SKAP1: variants seen among roughly 807,000 people sequenced by gnomAD.
SKAP1 encodes the protein src kinase associated phosphoprotein 1.
A neutral mutation model predicts 58.5 loss-of-function variants in SKAP1; 44 were observed. That is an observed-to-expected ratio of 0.75 (90% CI 0.59 to 0.97). The LOEUF is 0.97. SKAP1 is among the 50% of genes least tolerant of loss of function. The probability of loss-of-function intolerance (pLI) is 0.00; values close to 1 mark genes in which losing one functional copy is unlikely to be tolerated. For missense variants in SKAP1, 390 were observed against 435.2 expected (o/e 0.90, Z 0.92); for synonymous variants, 127 against 149.7 (o/e 0.85, Z 1.11).
chr17:48,158,847 C>T (rs1019189747), intron 11 of SKAP1, among the ~76,000 whole-genome samples: 1 of 151,628 alleles, frequency 6.6e-6, no homozygotes, highest in Non-Finnish European at 1.5e-5. Flanking sequence ...GTAGTCCCAG[C>T]TACTCGGGAG....
At chr17:48,442,016 T>A in the SKAP1 span, among the ~76,000 whole-genome samples, 1 of 152,196 alleles carries the variant, frequency 6.6e-6, no homozygotes, top group South Asian at 2.1e-4. Context: ...ACATCATCAG[T>A]GTGGCAAGCA....
rs143407064 is a variant in SKAP1 at position 48,137,291 on chromosome 17, A to T, written c.1025T>A (p.Val342Asp). The change falls in exon 12 of 13, where the codon GTT becomes GAT. Residue 342 changes from valine to aspartate, a missense_variant. Transcript: ENST00000336915. Reference protein sequence around the residue: ...GWWVGELNSLVGIVPKEYLTT... With the variant: ...GWWVGELNSLDGIVPKEYLTT... ...GAGATACTCCTTTGGAACAATCCCA[A>T]CGAGGCTGTTCAGTTCTCCCACCCA... is the stretch of plus-strand genomic sequence containing the variant. 6.2e-7 allele frequency: 1 copy of T among 1,613,884 alleles called. No homozygotes were observed. The highest frequency in any genetic ancestry group is 1.1e-5 in the South Asian group (1 of 91,068).
At chr17:48,194,285 T>C (rs550012396) in intron 4 of SKAP1, among the ~76,000 whole-genome samples, 9 of 152,196 alleles carry the variant, frequency 5.9e-5, no homozygotes, top group African/African-American at 9.7e-5. Context: ...TCATCTAGTT[T>C]CCTTTAAACC....
At chr17:48,202,324 T>G (rs893886624) in intron 4 of SKAP1, among the ~76,000 whole-genome samples, 11 of 152,142 alleles carry the variant, frequency 7.2e-5, no homozygotes, top group African/African-American at 2.7e-4. Flanking sequence ...TTACACCCCA[T>G]CAGGAAGAAC....
intron 4 of SKAP1, among the ~76,000 whole-genome samples, chr17:48,254,114 C>T (rs115489539): frequency 1.0e-3 from 158 of 152,238 alleles, no homozygotes; most frequent in African/African-American, 3.6e-3. Flanking sequence ...CTACGTGTCC[C>T]TGGATAAATA....
intron 4 of SKAP1, among the ~76,000 whole-genome samples, chr17:48,255,353 C>T (rs1461450360): frequency 6.6e-6 from 1 of 151,464 alleles, no homozygotes; most frequent in East Asian, 1.9e-4. Context: ...TAGGCAAGTT[C>T]TTTTTTTATT....
rs1398849756 is a variant in SKAP1 at position 48,252,752 on chromosome 17, GTGTA to G, written c.281-63256_281-63253del. The stretch of plus-strand genomic sequence containing the variant: ...TGTGTGTGTGTGTGTGTGTGTGTGT[GTGTA>G]TGTGCTCATGTGTGTACAGATCCAG... On this transcript the variant is annotated intron_variant, in intron 4 of 12. Transcript: ENST00000336915. 2.6e-3 allele frequency among the ~76,000 whole-genome samples: 320 copies of G among 123,010 alleles called. 1 individual carries two copies. Among genetic ancestry groups the G allele is most frequent in the African/African-American group, 7.2e-3 (268 of 37,132 alleles). 80.7% of individuals were successfully genotyped at this position (123,010 alleles called of 152,430 possible).
At chr17:48,170,741 GCTCTGTTGT>G in intron 9 of SKAP1, 82 bp from the exon 10 acceptor site, 2 of 1,248,860 alleles carry the variant, frequency 1.6e-6, no homozygotes, top group Non-Finnish European at 2.3e-6. Flanking sequence ...ATAGAGTCTT[GCTCTGTTGT>G]CTAGGCTGAA....
At position 48,269,831 on chromosome 17, in the gene SKAP1, C is replaced by A. The variant is rs568165237; in HGVS notation, c.280+76074G>T. On this transcript the variant is annotated intron_variant, in intron 4 of 12. Coordinates refer to ENST00000336915, the MANE Select transcript of SKAP1 (RefSeq NM_003726.4). ...AAATGAGGCCGGGTGCGGTGGCTCA[C>A]GCTTGTAATCCCAGCACTTTGGGAG... Among the ~76,000 whole-genome samples the A allele has an allele frequency of 1.1e-4, 17 of 152,226 alleles. No homozygotes were observed. In the South Asian group the frequency reaches 3.3e-3, roughly 30 times the overall value.
At chr17:48,308,744 G>GGAAACC (rs1417521851) in intron 4 of SKAP1, 1 of 152,072 alleles carries the variant, frequency 6.6e-6, no homozygotes, top group African/African-American at 2.4e-5. Flanking sequence ...CTTTGGGCAA[G>GGAAACC]TTTCGTTTTC....
intron 2 of SKAP1, among the ~76,000 whole-genome samples, chr17:48,370,223 C>T (rs889684998): frequency 2.0e-5 from 3 of 152,138 alleles, no homozygotes; most frequent in East Asian, 1.9e-4. Flanking sequence ...AAGTGGCCAA[C>T]GAATATATTA....
intron 4 of SKAP1, among the ~76,000 whole-genome samples, chr17:48,314,650 C>T (rs1363073787): frequency 6.6e-6 from 1 of 152,010 alleles, no homozygotes; most frequent in African/African-American, 2.4e-5. Context: ...ACAGACATAA[C>T]AAAATAGGCT....
At position 48,137,289 on chromosome 17, in the gene SKAP1, C is replaced by G; in HGVS notation, c.1027G>C (p.Gly343Arg). 1 of 1,613,886 alleles carries G rather than the reference C, an allele frequency of 6.2e-7. No homozygotes were observed. Among genetic ancestry groups the G allele is most frequent in the Non-Finnish European group, 8.5e-7 (1 of 1,179,828 alleles). ...WWVGELNSLV[G>R]IVPKEYLTTA... is the part of the protein sequence containing the mutation. The stretch of plus-strand genomic sequence containing the variant: ...GTGAGATACTCCTTTGGAACAATCC[C>G]AACGAGGCTGTTCAGTTCTCCCACC... The change falls in exon 12 of 13, where the codon GGG (glycine) becomes CGG (arginine). Residue 343 changes from glycine to arginine, a missense_variant. Transcript: ENST00000336915.
chr17:48,246,253 G>C (rs1311964507), intron 4 of SKAP1, among the ~76,000 whole-genome samples: 4 of 152,102 alleles, frequency 2.6e-5, no homozygotes, highest in Non-Finnish European at 5.9e-5. Flanking sequence ...GCATTCAAAG[G>C]TTTCCAAAAA....
intron 8 of SKAP1, among the ~76,000 whole-genome samples, 183 bp from the exon 9 acceptor site, chr17:48,180,431 A>G (rs1278142880): frequency 6.6e-6 from 1 of 152,254 alleles, no homozygotes; most frequent in Non-Finnish European, 1.5e-5. Context: ...AGAAAAGGCC[A>G]GAATAGCACT....
intron 9 of SKAP1, among the ~76,000 whole-genome samples, chr17:48,175,944 C>T (rs933698082): frequency 1.3e-5 from 2 of 152,092 alleles, no homozygotes; most frequent in Non-Finnish European, 2.9e-5. Context: ...TTGACTCTTC[C>T]CTGATGCTCT....
At chr17:48,264,783 C>CACACACACACACACA (rs2065525126) in intron 4 of SKAP1, among the ~76,000 whole-genome samples, 1 of 140,172 alleles carries the variant, frequency 7.1e-6, no homozygotes, top group South Asian at 2.1e-4. Context: ...CACACACACA[C>CACACACACACACACA]CCTCCATCTC....
chr17:48,220,526 T>A (rs535127353), intron 4 of SKAP1, among the ~76,000 whole-genome samples: 1 of 152,158 alleles, frequency 6.6e-6, no homozygotes, highest in Non-Finnish European at 1.5e-5. Context: ...GTCAGAATAG[T>A]AGTTATTTTG....
At chr17:48,198,753 A>G (rs1474118145) in intron 4 of SKAP1, among the ~76,000 whole-genome samples, 2 of 152,202 alleles carry the variant, frequency 1.3e-5, no homozygotes, top group Non-Finnish European at 2.9e-5. Context: ...TCAATAACAC[A>G]TATCTGTAAC....
Sources: allele counts gnomAD v4.1 joint callset (sites outside exome capture counted in the v4.1 genomes callset), GRCh38; gene constraint gnomAD v4.1.1; transcripts MANE v1.5; gene names NCBI Gene and HGNC (gene_info 2026-07-23, HGNC 2026-07-21).